The following WWC1 variants were observed in gnomAD, a reference collection of about 807,000 sequenced individuals.
The protein encoded by WWC1 is protein KIBRA.
Under a neutral mutation model 138.4 loss-of-function variants are expected in WWC1, and 55 were observed. The ratio of observed to expected loss-of-function variants is 0.40; its 90% CI spans 0.32 to 0.50. WWC1 has a LOEUF of 0.50. Among genes scored for constraint, WWC1 ranks in the 20% least tolerant of loss-of-function variants. WWC1 has a pLI of 0.72. For synonymous variants in WWC1, 524 were observed against 564.9 expected (o/e 0.93, Z 1.03); for missense variants, 1,226 against 1,420.4 (o/e 0.86, Z 2.20).
At chr5:168,449,517 G>A (rs1366045780) in intron 17 of WWC1, among the ~76,000 whole-genome samples, 1 of 151,704 alleles carries the variant, frequency 6.6e-6, no homozygotes, top group Non-Finnish European at 1.5e-5. Flanking sequence ...CTTCTACAGA[G>A]GGCTTTGTGG....
intron 2 of WWC1, among the ~76,000 whole-genome samples, chr5:168,372,051 GTT>G (rs1477721476): frequency 2.6e-5 from 3 of 114,708 alleles, no homozygotes; most frequent in African/African-American, 6.9e-5. Context: ...GAAAGAGTGT[GTT>G]TGTGTGTGTG....
At chr5:168,336,520 T>TGA (rs1773468457) in intron 1 of WWC1, among the ~76,000 whole-genome samples, 1 of 137,720 alleles carries the variant, frequency 7.3e-6, no homozygotes, top group Non-Finnish European at 1.5e-5. Flanking sequence ...TGCAGTGAGC[T>TGA]GAGATCATGC....
chr5:168,353,551 C>T (rs2152791840), intron 1 of WWC1, among the ~76,000 whole-genome samples: 1 of 152,350 alleles, frequency 6.6e-6, no homozygotes, highest in Non-Finnish European at 1.5e-5. Flanking sequence ...TCCTTCTCAT[C>T]TCAACCCCAA....
chr5:168,321,540 T>C (rs1000652979), intron 1 of WWC1, among the ~76,000 whole-genome samples: 1 of 151,724 alleles, frequency 6.6e-6, no homozygotes, highest in Non-Finnish European at 1.5e-5. Flanking sequence ...TATCCTTTTT[T>C]TTTTTTTTTT....
At chr5:168,374,110 A>G (rs940520712) in intron 2 of WWC1, among the ~76,000 whole-genome samples, 1 of 152,062 alleles carries the variant, frequency 6.6e-6, no homozygotes. Flanking sequence ...ATTCGCTCAT[A>G]CATTCACCAT....
At chr5:168,384,313 A>G (rs188421218) in intron 2 of WWC1, among the ~76,000 whole-genome samples, 4 of 152,338 alleles carry the variant, frequency 2.6e-5, no homozygotes, top group African/African-American at 7.2e-5. Context: ...AGCACTTATC[A>G]TAGAATCAAT....
intron 16 of WWC1, among the ~76,000 whole-genome samples, chr5:168,442,462 A>AT (rs1754866473): frequency 6.8e-6 from 1 of 147,736 alleles, no homozygotes; most frequent in African/African-American, 2.5e-5. Context: ...AAAAAATTTA[A>AT]TTAAAAAAAA....
At chr5:168,458,412 A>G (rs537360335) in intron 19 of WWC1, among the ~76,000 whole-genome samples, 1 of 152,162 alleles carries the variant, frequency 6.6e-6, no homozygotes, top group African/African-American at 2.4e-5. Context: ...AGCCCCTTCC[A>G]CTGGCCTCTG....
intron 1 of WWC1, among the ~76,000 whole-genome samples, chr5:168,355,817 G>A (rs1775361190): frequency 6.6e-6 from 1 of 152,124 alleles, no homozygotes; most frequent in East Asian, 1.9e-4. Flanking sequence ...ACAGGAAGGA[G>A]TGTAGGTAGA....
chr5:168,319,501 C>T (rs1452544973), intron 1 of WWC1, among the ~76,000 whole-genome samples: 1 of 152,202 alleles, frequency 6.6e-6, no homozygotes, highest in African/African-American at 2.4e-5. Flanking sequence ...ATTGCTAGAT[C>T]ACATGGTAAT....
At position 168,360,158 on chromosome 5, in the gene WWC1, C is replaced by T. The variant is rs139539086; in HGVS notation, c.120-11266C>T. On this transcript the variant is annotated intron_variant, in intron 1 of 22. Coordinates refer to ENST00000265293, the MANE Select transcript of WWC1 (RefSeq NM_015238.3). ...AGTGCTGATGCCTTTGATATATGTG[C>T]ACACACAGGCAGTGACAGCTCCATC... Among the ~76,000 whole-genome samples, 427 of 152,284 alleles carry T rather than the reference C, an allele frequency of 2.8e-3. 2 individuals carry two copies. The highest frequency in any genetic ancestry group is 4.6e-3 in the Non-Finnish European group (315 of 68,022).
At chr5:168,412,014 G>A (rs1780266806) in intron 8 of WWC1, 37 of 985,284 alleles carry the variant, frequency 3.8e-5, no homozygotes, top group Non-Finnish European at 4.1e-5. Flanking sequence ...GCTCCCCCAG[G>A]CGTCCAGCAA....
chr5:168,398,249 G>A (rs914664437), intron 4 of WWC1, among the ~76,000 whole-genome samples: 4 of 151,942 alleles, frequency 2.6e-5, no homozygotes, highest in Admixed American at 6.6e-5. Context: ...GACTATAGGC[G>A]CCCGCCACCA....
intron 20 of WWC1, among the ~76,000 whole-genome samples, chr5:168,464,302 A>G (rs186290301): frequency 1.8e-4 from 27 of 152,326 alleles, no homozygotes; most frequent in Admixed American, 1.3e-3. Flanking sequence ...GACAGGAATC[A>G]ATAATTGAGA....
At chr5:168,398,173 C>T (rs555422916) in intron 4 of WWC1, among the ~76,000 whole-genome samples, 10 of 152,120 alleles carry the variant, frequency 6.6e-5, no homozygotes, top group South Asian at 2.1e-4. Flanking sequence ...GCACGATCTG[C>T]GCTCACTGCG....
At chr5:168,441,629 C>T in intron 15 of WWC1, 53 bp from the exon 16 acceptor site, 1 of 1,586,434 alleles carries the variant, frequency 6.3e-7, no homozygotes, top group Non-Finnish European at 8.6e-7. Flanking sequence ...TTCCCTGACA[C>T]CTGGTGTCCC....
At chr5:168,294,435 C>A (rs1053992326) in intron 1 of WWC1, among the ~76,000 whole-genome samples, 2 of 151,996 alleles carry the variant, frequency 1.3e-5, no homozygotes, top group Non-Finnish European at 2.9e-5. Flanking sequence ...AAACAAAAAA[C>A]CAGGGTTAGT....
At chr5:168,317,450 G>A (rs1415166113) in intron 1 of WWC1, among the ~76,000 whole-genome samples, 3 of 152,182 alleles carry the variant, frequency 2.0e-5, no homozygotes, top group Non-Finnish European at 4.4e-5. Context: ...GGACAGTGAG[G>A]ATGGGAGGTG....
intron 1 of WWC1, among the ~76,000 whole-genome samples, chr5:168,307,430 T>C (rs1770673223): frequency 6.6e-6 from 1 of 152,018 alleles, no homozygotes; most frequent in African/African-American, 2.4e-5. Context: ...TGTCTTTGCT[T>C]GGTCTTTGCT....
Sources: gnomAD v4.1 joint callset for allele counts (sites outside exome capture counted in the v4.1 genomes callset) on GRCh38, gnomAD v4.1.1 for gene constraint, MANE v1.5 for transcripts, NCBI Gene and HGNC (gene_info 2026-07-23, HGNC 2026-07-21) for gene names.